Variants in SGCZ observed in about 807,000 individuals in gnomAD.
The protein encoded by SGCZ is zeta-sarcoglycan.
SGCZ carries 40 observed loss-of-function variants against 41.3 expected under a neutral mutation model. The observed-to-expected ratio is 0.97, with a 90% CI of 0.75 to 1.26. The LOEUF (loss-of-function observed/expected upper bound fraction) is 1.26. Ranked by LOEUF, SGCZ falls within the 50% of genes most tolerant of loss-of-function variation. The pLI is 0.00. For synonymous variants in SGCZ, 206 were observed against 137.5 expected (o/e 1.50, Z -3.49); for missense variants, 552 against 369.8 (o/e 1.49, Z -4.04).
At chr8:14,645,233 T>C (rs1807169227) in intron 1 of SGCZ, among the ~76,000 whole-genome samples, 3 of 151,050 alleles carry the variant, frequency 2.0e-5, no homozygotes, top group Non-Finnish European at 3.0e-5. Context: ...ATAAAAGGGT[T>C]CACAATGACA....
Position 14,102,369 on chromosome 8 carries a change from G to GACTC in SGCZ, c.744+3_744+6dup. 6.8e-7 allele frequency: 1 copy of GACTC among 1,472,544 alleles called. No individual in the cohort carries two copies. Among genetic ancestry groups the GACTC allele is most frequent in the Non-Finnish European group, 9.1e-7 (1 of 1,095,320 alleles). The allele number at this position is 1,472,544 out of a possible 1,614,324, so 91.2% of individuals were successfully genotyped here. ...ATAGGGCGAGGGTCCAACTTTCTGG[G>GACTC]ACTCACCTCCCCTTCTGTAGATTGC... On this transcript the variant is annotated splice_region_variant and intron_variant, in intron 7 of 7. Coordinates refer to ENST00000382080, the MANE Select transcript of SGCZ (RefSeq NM_139167.4).
chr8:14,755,545 C>G (rs921999724), intron 1 of SGCZ, among the ~76,000 whole-genome samples: 2 of 152,156 alleles, frequency 1.3e-5, no homozygotes, highest in Non-Finnish European at 2.9e-5. Context: ...TTAACAACAA[C>G]TTTTAAACCC....
intron 2 of SGCZ, among the ~76,000 whole-genome samples, chr8:14,547,693 A>G (rs1353751374): frequency 6.6e-6 from 1 of 152,088 alleles, no homozygotes; most frequent in East Asian, 1.9e-4. Flanking sequence ...CATCATCACC[A>G]TTTTACAGAT....
intron 1 of SGCZ, among the ~76,000 whole-genome samples, chr8:14,826,622 C>A (rs1802330963): frequency 6.6e-6 from 1 of 152,060 alleles, no homozygotes; most frequent in African/African-American, 2.4e-5. Flanking sequence ...TAATGATCGC[C>A]ATTCTAACTA....
At chr8:14,096,256 T>A (rs963562960) in intron 7 of SGCZ, among the ~76,000 whole-genome samples, 22 of 152,294 alleles carry the variant, frequency 1.4e-4, no homozygotes, top group Non-Finnish European at 2.5e-4. Context: ...AAATTGCTCA[T>A]ATTATTTTGA....
intron 1 of SGCZ, among the ~76,000 whole-genome samples, chr8:15,061,937 C>G (rs1311768220): frequency 6.6e-6 from 1 of 152,186 alleles, no homozygotes; most frequent in Non-Finnish European, 1.5e-5. Context: ...TGCCCAGTAT[C>G]TAGCTGATTT....
intron 1 of SGCZ, among the ~76,000 whole-genome samples, chr8:14,692,670 T>C (rs1274863209): frequency 1.3e-5 from 2 of 152,194 alleles, no homozygotes; most frequent in Admixed American, 1.3e-4. Flanking sequence ...TGTATCGCCA[T>C]TTGGGACCAA....
chr8:14,601,517 A>AAAGG (rs1805588633), intron 1 of SGCZ, among the ~76,000 whole-genome samples: 1 of 152,092 alleles, frequency 6.6e-6, no homozygotes, highest in Admixed American at 6.5e-5. Flanking sequence ...TCTTTTGGAC[A>AAAGG]ATTTATGTGT....
chr8:14,528,649 A>G (rs1475390429), intron 2 of SGCZ, among the ~76,000 whole-genome samples: 1 of 151,972 alleles, frequency 6.6e-6, no homozygotes, highest in Non-Finnish European at 1.5e-5. Flanking sequence ...TACAGAATCA[A>G]CTTCCATTAA....
At chr8:14,502,390 G>C (rs947779794) in intron 2 of SGCZ, among the ~76,000 whole-genome samples, 4 of 152,020 alleles carry the variant, frequency 2.6e-5, no homozygotes, top group Non-Finnish European at 5.9e-5. Context: ...TTATCAAAAA[G>C]TAAAGAATTC....
intron 2 of SGCZ, among the ~76,000 whole-genome samples, chr8:14,477,519 A>G (rs1200942073): frequency 6.6e-6 from 1 of 152,122 alleles, no homozygotes; most frequent in African/African-American, 2.4e-5. Context: ...TTTTTATTAG[A>G]TACCTCCTCA....
intron 1 of SGCZ, among the ~76,000 whole-genome samples, chr8:14,619,298 TAAG>T (rs1389743372): frequency 6.6e-6 from 1 of 152,076 alleles, no homozygotes; most frequent in Non-Finnish European, 1.5e-5. Flanking sequence ...CTCAAAATAA[TAAG>T]AGCTATCTAT....
chr8:14,238,970 T>C (rs895458209), intron 3 of SGCZ, among the ~76,000 whole-genome samples: 1 of 151,624 alleles, frequency 6.6e-6, no homozygotes, highest in African/African-American at 2.4e-5. Context: ...GATATATATG[T>C]ATATATATAA....
chr8:14,453,169 C>T (rs1284064512), intron 2 of SGCZ, among the ~76,000 whole-genome samples: 1 of 151,998 alleles, frequency 6.6e-6, no homozygotes, highest in Non-Finnish European at 1.5e-5. Flanking sequence ...ACATCCTGGA[C>T]ATGTATATAT....
intron 1 of SGCZ, among the ~76,000 whole-genome samples, chr8:14,558,886 A>C (rs1563410354): frequency 6.6e-6 from 1 of 152,098 alleles, no homozygotes; most frequent in Non-Finnish European, 1.5e-5. Context: ...AAATCACATA[A>C]TCATCCCAAT....
chr8:14,415,291 T>A (rs1249800637), intron 2 of SGCZ, among the ~76,000 whole-genome samples: 2 of 151,926 alleles, frequency 1.3e-5, no homozygotes, highest in African/African-American at 4.8e-5. Context: ...ACAAAAATTG[T>A]TTATCACAAC....
intron 1 of SGCZ, among the ~76,000 whole-genome samples, chr8:14,809,250 A>G (rs1361985057): frequency 6.6e-6 from 1 of 152,066 alleles, no homozygotes; most frequent in African/African-American, 2.4e-5. Context: ...AGAAAAATAA[A>G]AAAATAAAAA....
At chr8:14,718,331 C>G (rs930551892) in intron 1 of SGCZ, among the ~76,000 whole-genome samples, 5 of 151,402 alleles carry the variant, frequency 3.3e-5, no homozygotes, top group African/African-American at 2.4e-5. Flanking sequence ...TAGCCTGAAA[C>G]AAAAATTATT....
In SGCZ at chr8:14,379,617, G is replaced by A. The variant is rs149857922; in HGVS notation, c.235-55413C>T. On this transcript the variant is annotated intron_variant, in intron 2 of 7. Coordinates refer to ENST00000382080, the MANE Select transcript of SGCZ (RefSeq NM_139167.4). ...AGACTATTTTTAGACACAGTCAACC[G>A]ATACTAAGTTTATATAAATAAGCAT... Among the ~76,000 whole-genome samples the A allele has an allele frequency of 2.1e-3, 313 of 152,076 alleles. 1 individual carries two copies. The highest frequency in any genetic ancestry group is 7.4e-3 in the African/African-American group (305 of 41,466).
Sources: gnomAD v4.1 joint callset for allele counts (sites outside exome capture counted in the v4.1 genomes callset) on GRCh38, gnomAD v4.1.1 for gene constraint, MANE v1.5 for transcripts, NCBI Gene and HGNC (gene_info 2026-07-23, HGNC 2026-07-21) for gene names.